Variants in PKIG observed in about 807,000 individuals in gnomAD.
The protein encoded by PKIG is cAMP-dependent protein kinase inhibitor gamma, also known as protein kinase (cAMP-dependent, catalytic) inhibitor gamma.
PKIG carries 1 observed loss-of-function variant against 6.8 expected under a neutral mutation model. The observed-to-expected ratio is 0.15, with a 90% CI of 0.05 to 0.69. The LOEUF is 0.69. PKIG is among the 30% of genes least tolerant of loss of function. The probability of loss-of-function intolerance (pLI) is 0.82; values close to 1 mark genes in which losing one functional copy is unlikely to be tolerated. For synonymous variants in PKIG, 39 were observed against 43.0 expected (o/e 0.91, Z 0.36); for missense variants, 77 against 104.0 (o/e 0.74, Z 1.13).
intron 1 of PKIG, among the ~76,000 whole-genome samples, chr20:44,543,519 G>A (rs1194609055): frequency 6.6e-6 from 1 of 152,088 alleles, no homozygotes; most frequent in Non-Finnish European, 1.5e-5. Flanking sequence ...ATAACTCTCA[G>A]CACCTACTCC....
intron 2 of PKIG, among the ~76,000 whole-genome samples, chr20:44,597,654 G>C (rs1436410968): frequency 2.6e-5 from 4 of 152,208 alleles, no homozygotes; most frequent in Non-Finnish European, 5.9e-5. Context: ...GAAAGCAGCA[G>C]AACAGTCCAT....
At position 44,568,698 on chromosome 20, in the gene PKIG, C is replaced by T. The variant is rs1049560688; in HGVS notation, c.-240-13887C>T. Among the ~76,000 whole-genome samples, 34 of 152,182 alleles carry T rather than the reference C, an allele frequency of 2.2e-4. 1 individual carries two copies. The highest frequency in any genetic ancestry group is 7.5e-4 in the African/African-American group (31 of 41,444). On this transcript the variant is annotated intron_variant, in intron 1 of 4. Transcript: ENST00000372887. ...ACTCCTGACCTTGTGATCCACCTGC[C>T]TCAGCCTCCCAAATTGCTGGGATTA... is the stretch of plus-strand genomic sequence containing the variant.
At position 44,604,629 on chromosome 20, in the gene PKIG, G is replaced by A. The variant is rs555425135; in HGVS notation, c.-23-9905G>A. 4.6e-5 allele frequency among the ~76,000 whole-genome samples: 7 copies of A among 152,306 alleles called. No homozygotes were observed. The East Asian group carries it at 5.8e-4, about 13-fold the overall frequency. The stretch of plus-strand genomic sequence containing the variant: ...CATTTCTAAAATGAGGATTAGAATC[G>A]TGCCTACTCGTTGTGTTTAGGGTTA... On this transcript the variant is annotated intron_variant, in intron 2 of 3. Coordinates refer to ENST00000372886, the MANE Select transcript of PKIG (RefSeq NM_001281445.2).
At chr20:44,579,968 G>A (rs1418987095), upstream of PKIG, among the ~76,000 whole-genome samples, 1 of 152,158 alleles carries the variant, frequency 6.6e-6, no homozygotes, top group Non-Finnish European at 1.5e-5. Flanking sequence ...TTGCTGCTGA[G>A]AACAGGCCTT....
intron 1 of PKIG, among the ~76,000 whole-genome samples, chr20:44,558,798 C>T (rs534400311): frequency 6.6e-6 from 1 of 151,276 alleles, no homozygotes; most frequent in East Asian, 1.9e-4. Context: ...GTTGCCCAGG[C>T]TGGAGTGCAG....
chr20:44,614,386 T>C lies in PKIG; in HGVS notation c.-23-148T>C. 3.4e-6 allele frequency: 2 copies of C among 594,360 alleles called. No homozygotes were observed. Among genetic ancestry groups the C allele is most frequent in the Non-Finnish European group, 5.9e-6 (2 of 337,886 alleles). 36.8% of individuals were successfully genotyped at this position (594,360 alleles called of 1,614,324 possible). A position where few individuals can be genotyped will look rare whatever the true frequency, so the allele number is the denominator to read the frequency against. ...AATTATGAGTGACTTGTTTTGTTCTTTGTACTTTTCTGTGCTTTTTGCTTT... is the reference window on the plus strand; with the variant it reads ...AATTATGAGTGACTTGTTTTGTTCTCTGTACTTTTCTGTGCTTTTTGCTTT... On this transcript the variant is annotated intron_variant, in intron 2 of 3. Coordinates refer to ENST00000372886, the MANE Select transcript of PKIG (RefSeq NM_001281445.2). This position sits in a 1 kb window ranked among gnomAD's most constrained non-coding sequence, Gnocchi z 4.6.
upstream of PKIG, among the ~76,000 whole-genome samples, chr20:44,580,871 C>T (rs939662349): frequency 7.9e-5 from 12 of 152,188 alleles, no homozygotes; most frequent in Non-Finnish European, 1.2e-4. Flanking sequence ...AGCTCCGGTC[C>T]TACCTTCCCA....
chr20:44,548,854 CCACACACACACACACACACACACA>C (rs11469110), intron 1 of PKIG, among the ~76,000 whole-genome samples: 9 of 135,584 alleles, frequency 6.6e-5, no homozygotes, highest in Middle Eastern at 3.5e-3. Flanking sequence ...ACTCCTCCCA[CCACACACACACACACACACACACA>C]CACACACACA....
At chr20:44,587,999 G>A (rs2065004246) in intron 1 of PKIG, among the ~76,000 whole-genome samples, 1 of 152,144 alleles carries the variant, frequency 6.6e-6, no homozygotes, top group Non-Finnish European at 1.5e-5. Context: ...AAGACTTTGA[G>A]GTTGCTCATG....
intron 2 of PKIG, among the ~76,000 whole-genome samples, chr20:44,594,346 G>A (rs1176573334): frequency 6.6e-6 from 1 of 152,176 alleles, no homozygotes; most frequent in African/African-American, 2.4e-5. Flanking sequence ...TGAAGAACCT[G>A]AGGTTCAGAG....
chr20:44,590,145 C>T (rs1409396536), intron 2 of PKIG, among the ~76,000 whole-genome samples: 1 of 151,902 alleles, frequency 6.6e-6, no homozygotes, highest in Non-Finnish European at 1.5e-5. Flanking sequence ...ATGGGTTTCC[C>T]GGCCATGTAC....
intron 1 of PKIG, among the ~76,000 whole-genome samples, chr20:44,559,428 T>C (rs2064747326): frequency 6.6e-6 from 1 of 152,230 alleles, no homozygotes; most frequent in Non-Finnish European, 1.5e-5. Flanking sequence ...AAGCAGGGAA[T>C]GTACAGAAGG....
intron 1 of PKIG, among the ~76,000 whole-genome samples, chr20:44,589,005 A>G (rs1201841580): frequency 6.6e-6 from 1 of 152,242 alleles, no homozygotes. Context: ...CAATTTCTCA[A>G]AAGAGAATAA....
At chr20:44,567,447 C>A (rs1191036793) in intron 1 of PKIG, among the ~76,000 whole-genome samples, 1 of 152,200 alleles carries the variant, frequency 6.6e-6, no homozygotes, top group Non-Finnish European at 1.5e-5. Flanking sequence ...TTCTAAAACT[C>A]CTAATTTTTC....
At chr20:44,580,519 T>C (rs2064938851), upstream of PKIG, among the ~76,000 whole-genome samples, 1 of 151,970 alleles carries the variant, frequency 6.6e-6, no homozygotes, top group Admixed American at 6.6e-5. Context: ...CTAATTTTTT[T>C]TGTATTTTAG....
chr20:44,594,731 C>G (rs1568827226), intron 2 of PKIG, among the ~76,000 whole-genome samples: 1 of 152,002 alleles, frequency 6.6e-6, no homozygotes, highest in Non-Finnish European at 1.5e-5. Flanking sequence ...GCCTTTATTT[C>G]TCCAGGTCCT....
chr20:44,598,251 G>C (rs776655271), intron 2 of PKIG, among the ~76,000 whole-genome samples: 1 of 152,216 alleles, frequency 6.6e-6, no homozygotes, highest in Non-Finnish European at 1.5e-5. Context: ...TTTCCCCAGA[G>C]AGAGCTAGGT....
At chr20:44,602,169 T>C (rs541923575) in intron 2 of PKIG, among the ~76,000 whole-genome samples, 1 of 152,220 alleles carries the variant, frequency 6.6e-6, no homozygotes, top group Non-Finnish European at 1.5e-5. Flanking sequence ...CTTCATTCTT[T>C]AGCACCCTGT....
intron 1 of PKIG, among the ~76,000 whole-genome samples, chr20:44,576,328 A>G (rs1160018063): frequency 6.6e-6 from 1 of 152,188 alleles, no homozygotes; most frequent in Non-Finnish European, 1.5e-5. Context: ...GTGGGGAAAC[A>G]CATGGAACGT....
Sources: allele counts gnomAD v4.1 joint callset (sites outside exome capture counted in the v4.1 genomes callset), GRCh38; gene constraint gnomAD v4.1.1; non-coding constraint Gnocchi (gnomAD v3.1); transcripts MANE v1.5; gene names NCBI Gene and HGNC (gene_info 2026-07-23, HGNC 2026-07-21).